Variants in AHCYL2 observed in about 807,000 individuals in gnomAD.
AHCYL2 encodes the protein S-adenosylhomocysteine hydrolase-like protein 2.
AHCYL2 carries 28 observed loss-of-function variants against 81.4 expected under a neutral mutation model. That is an observed-to-expected ratio of 0.34 (90% CI 0.25 to 0.47). The LOEUF (loss-of-function observed/expected upper bound fraction) is 0.47. Among genes scored for constraint, AHCYL2 ranks in the 20% least tolerant of loss-of-function variants. The pLI is 1.00. For synonymous variants in AHCYL2, 272 were observed against 290.2 expected, an observed-to-expected ratio of 0.94 and a Z score of 0.64; for missense variants, 551 against 785.1, an observed-to-expected ratio of 0.70 and a Z score of 3.56.
intron 1 of AHCYL2, among the ~76,000 whole-genome samples, chr7:129,362,305 A>G (rs1380215319): frequency 1.3e-5 from 2 of 152,182 alleles, no homozygotes; most frequent in African/African-American, 4.8e-5. Context: ...TGATGCTTCC[A>G]TGTTGAGTCC....
At chr7:129,411,206 T>C (rs918904561) in intron 11 of AHCYL2, among the ~76,000 whole-genome samples, 2 of 152,334 alleles carry the variant, frequency 1.3e-5, no homozygotes, top group African/African-American at 4.8e-5. Context: ...TTTTACTGAG[T>C]TGTAATTCAC....
At chr7:129,393,942 C>T (rs1014275951) in intron 4 of AHCYL2, among the ~76,000 whole-genome samples, 13 of 152,108 alleles carry the variant, frequency 8.5e-5, no homozygotes, top group African/African-American at 2.7e-4. Flanking sequence ...TTGAGCACTC[C>T]GTTGTGATTT....
At chr7:129,247,821 T>C (rs190056546) in intron 1 of AHCYL2, among the ~76,000 whole-genome samples, 2 of 152,160 alleles carry the variant, frequency 1.3e-5, no homozygotes, top group Admixed American at 1.3e-4. Context: ...AGGCTGGTCT[T>C]GAACTCCTGG....
chr7:129,281,302 GTTA>G (rs1796435203), intron 1 of AHCYL2, among the ~76,000 whole-genome samples: 1 of 151,994 alleles, frequency 6.6e-6, no homozygotes. Flanking sequence ...GTTCATGAGA[GTTA>G]TTAGTATGCA....
chr7:129,249,437 G>A (rs1240591036), intron 1 of AHCYL2, among the ~76,000 whole-genome samples: 1 of 138,722 alleles, frequency 7.2e-6, no homozygotes, highest in Non-Finnish European at 1.6e-5. Flanking sequence ...TTTTTTTTTT[G>A]AGACGGAGTC....
At chr7:129,361,429 C>T (rs1793927034) in intron 1 of AHCYL2, among the ~76,000 whole-genome samples, 1 of 152,108 alleles carries the variant, frequency 6.6e-6, no homozygotes, top group Admixed American at 6.6e-5. Flanking sequence ...ATTTAATTGC[C>T]TCTCTCCTTG....
chr7:129,266,668 A>C (rs1195931029), intron 1 of AHCYL2, among the ~76,000 whole-genome samples: 1 of 152,206 alleles, frequency 6.6e-6, no homozygotes, highest in Non-Finnish European at 1.5e-5. Flanking sequence ...TGAGTATCTA[A>C]TTTAATAATG....
chr7:129,255,038 G>A (rs1423078737), intron 1 of AHCYL2, among the ~76,000 whole-genome samples: 3 of 152,056 alleles, frequency 2.0e-5, no homozygotes, highest in African/African-American at 7.2e-5. Context: ...CAAGGCGGGA[G>A]GATCATGAAG....
intron 1 of AHCYL2, chr7:129,376,054 C>A: frequency 1.7e-6 from 2 of 1,159,422 alleles, no homozygotes; most frequent in South Asian, 1.5e-5. Context: ...GGTGAGCTAC[C>A]CCTCTTTTAA....
chr7:129,306,465 A>G (rs1029837753), intron 1 of AHCYL2, among the ~76,000 whole-genome samples: 7 of 151,892 alleles, frequency 4.6e-5, no homozygotes, highest in Non-Finnish European at 8.8e-5. Context: ...TTCATCGTTA[A>G]GTTTATCTGA....
At chr7:129,251,293 G>C (rs374657611) in intron 1 of AHCYL2, among the ~76,000 whole-genome samples, 1 of 132,484 alleles carries the variant, frequency 7.5e-6, no homozygotes, top group South Asian at 2.5e-4. Context: ...TCACTGTATT[G>C]TTAACAGCTG....
rs1796706388 is a variant in AHCYL2 at position 129,413,679 on chromosome 7, G to T, written c.1452G>T (p.Glu484Asp). ...IVCNMGHSNT[E>D]IDVASLRTPE... ...GTAACATGGGACATTCCAACACAGA[G>T]ATTGACGTGGTAAGATCAAGTAGCT... The change falls in exon 12 of 17, where the codon GAG becomes GAT. Residue 484 changes from glutamate to aspartate, a missense_variant. By Grantham distance (45) the Glu-to-Asp change is conservative. Coordinates refer to ENST00000325006, the MANE Select transcript of AHCYL2 (RefSeq NM_015328.4). 6.2e-7 allele frequency: 1 copy of T among 1,613,824 alleles called. No homozygotes were observed. Among genetic ancestry groups the T allele is most frequent in the Non-Finnish European group, 8.5e-7 (1 of 1,179,922 alleles).
At position 129,348,699 on chromosome 7, in the gene AHCYL2, C is replaced by A. The variant is rs187728403; in HGVS notation, c.364-30939C>A. Among the ~76,000 whole-genome samples, 336 of 152,290 alleles carry A rather than the reference C, an allele frequency of 2.2e-3. 1 individual carries two copies. Among genetic ancestry groups the A allele is most frequent in the African/African-American group, 7.2e-3 (301 of 41,554 alleles). ...TAATACTTACTAAATATGATACTTA[C>A]TAGCCGTTGTTTGTCCCTTCCCCTC... On this transcript the variant is annotated intron_variant, in intron 1 of 16. Transcript: ENST00000325006.
intron 1 of AHCYL2, among the ~76,000 whole-genome samples, chr7:129,347,395 A>G (rs1400048462): frequency 6.6e-6 from 1 of 152,188 alleles, no homozygotes; most frequent in African/African-American, 2.4e-5. Flanking sequence ...GGCAGAGGGT[A>G]TATGGGAACT....
chr7:129,408,747 TAAAGGC>T lies in AHCYL2; in HGVS notation c.1296-727_1296-722del, dbSNP rs574841663. On this transcript the variant is annotated intron_variant, in intron 10 of 16. Transcript: ENST00000325006. ...TATACTGAAAGAATAGAGAAAAGAA[TAAAGGC>T]ATAACCCTGCAGAGCACCAATATCC... 6.9e-3 allele frequency among the ~76,000 whole-genome samples: 1,045 copies of T among 152,198 alleles called. 11 individuals carry two copies. Among genetic ancestry groups the T allele is most frequent in the African/African-American group, 0.023 (956 of 41,518 alleles).
At chr7:129,371,672 G>A (rs1000243820) in intron 1 of AHCYL2, among the ~76,000 whole-genome samples, 1 of 152,120 alleles carries the variant, frequency 6.6e-6, no homozygotes, top group Admixed American at 6.5e-5. Context: ...TAGTAACCTC[G>A]ACTGACATGC....
intron 1 of AHCYL2, among the ~76,000 whole-genome samples, chr7:129,314,212 A>G (rs1223639587): frequency 6.6e-6 from 1 of 152,198 alleles, no homozygotes; most frequent in East Asian, 1.9e-4. Flanking sequence ...GTCTTCCCAT[A>G]AATCTCCTCT....
At chr7:129,237,554 CG>C (rs1269457329) in intron 1 of AHCYL2, among the ~76,000 whole-genome samples, 3 of 26,804 alleles carry the variant, frequency 1.1e-4, no homozygotes, top group Non-Finnish European at 6.0e-4. Flanking sequence ...GCTATTTTAG[CG>C]ATTTTTTTTT....
At chr7:129,331,012 C>T (rs1324041431) in intron 1 of AHCYL2, among the ~76,000 whole-genome samples, 2 of 152,060 alleles carry the variant, frequency 1.3e-5, no homozygotes, top group African/African-American at 4.8e-5. Flanking sequence ...TGATATAAAA[C>T]CCATTATTCA....
Sources: allele counts gnomAD v4.1 joint callset (sites outside exome capture counted in the v4.1 genomes callset), GRCh38; gene constraint gnomAD v4.1.1; transcripts MANE v1.5; gene names NCBI Gene and HGNC (gene_info 2026-07-23, HGNC 2026-07-21).